IL1RAPL1: variants seen among roughly 807,000 people sequenced by gnomAD.
IL1RAPL1 encodes interleukin 1 receptor accessory protein like 1, also known as interleukin-1 receptor accessory protein-like 1.
Under a neutral mutation model 48.4 loss-of-function variants are expected in IL1RAPL1, and 3 were observed. The ratio of observed to expected loss-of-function variants is 0.06; its 90% CI spans 0.03 to 0.16. IL1RAPL1 has a LOEUF of 0.16. Among genes scored for constraint, IL1RAPL1 ranks in the 10% least tolerant of loss-of-function variants. The pLI is 1.00. For synonymous variants in IL1RAPL1, 185 were observed against 187.7 expected (o/e 0.99, Z 0.12); for missense variants, 349 against 530.6 (o/e 0.66, Z 3.36).
At chrX:28,773,258 G>T (rs1024606042) in intron 1 of IL1RAPL1, among the ~76,000 whole-genome samples, 1 of 110,582 alleles carries the variant, frequency 9.0e-6, no homozygotes, top group African/African-American at 3.3e-5. Flanking sequence ...TTTGTTTTTT[G>T]AAGAGGCAGG....
intron 5 of IL1RAPL1, among the ~76,000 whole-genome samples, chrX:29,424,254 C>T (rs1934323719): frequency 9.2e-6 from 1 of 108,538 alleles, no homozygotes; most frequent in African/African-American, 3.4e-5. Context: ...ATAAGATCTA[C>T]AAGCCTTTCA....
At chrX:29,462,704 C>T (rs1324493438) in intron 5 of IL1RAPL1, among the ~76,000 whole-genome samples, 1 of 111,351 alleles carries the variant, frequency 9.0e-6, no homozygotes, top group Non-Finnish European at 1.9e-5. Flanking sequence ...CCTTCTTTCA[C>T]CTCATAGTCA....
chrX:28,860,177 C>T (rs1265893926), intron 2 of IL1RAPL1, among the ~76,000 whole-genome samples: 1 of 111,375 alleles, frequency 9.0e-6, no homozygotes, highest in Non-Finnish European at 1.9e-5. Context: ...AAAAATAATT[C>T]AAACTATTAA....
At chrX:29,895,827 C>A (rs1362223907) in intron 6 of IL1RAPL1, among the ~76,000 whole-genome samples, 1 of 111,455 alleles carries the variant, frequency 9.0e-6, no homozygotes, top group Non-Finnish European at 1.9e-5. Context: ...GGGCAGAGGT[C>A]CAAGCCAAAG....
At chrX:29,236,030 C>T (rs1931285130) in intron 2 of IL1RAPL1, among the ~76,000 whole-genome samples, 2 of 112,234 alleles carry the variant, frequency 1.8e-5, no homozygotes, top group South Asian at 3.7e-4. Context: ...CAAACAAGCA[C>T]ACACATCAAT....
At chrX:29,686,663 G>T (rs6630933) in intron 6 of IL1RAPL1, among the ~76,000 whole-genome samples, 2 of 107,463 alleles carry the variant, frequency 1.9e-5, no homozygotes, top group African/African-American at 3.4e-5. Flanking sequence ...GTTCACGCCA[G>T]TCTCCTGCCT....
intron 6 of IL1RAPL1, among the ~76,000 whole-genome samples, chrX:29,802,867 A>ATATATG (rs1482761535): frequency 1.2e-4 from 11 of 89,861 alleles, no homozygotes; most frequent in African/African-American, 4.4e-4. Context: ...ACGTGTACAT[A>ATATATG]TGTATACATA....
intron 5 of IL1RAPL1, among the ~76,000 whole-genome samples, chrX:29,653,718 A>G (rs1925585880): frequency 9.0e-6 from 1 of 110,534 alleles, no homozygotes; most frequent in Admixed American, 9.7e-5. Flanking sequence ...AGCTACTTGA[A>G]ATCTTCTCTG....
At chrX:29,240,195 C>CATATATATATAT (rs1224933369) in intron 2 of IL1RAPL1, among the ~76,000 whole-genome samples, 4 of 27,224 alleles carry the variant, frequency 1.5e-4, no homozygotes, top group African/African-American at 8.3e-4. Context: ...CACACACACA[C>CATATATATATAT]ATATATATAT....
At chrX:29,803,892 C>T in intron 6 of IL1RAPL1, among the ~76,000 whole-genome samples, 1 of 110,447 alleles carries the variant, frequency 9.1e-6, no homozygotes, top group Middle Eastern at 4.6e-3. Flanking sequence ...GAACATGATA[C>T]TTTGAACAAT....
chrX:29,047,724 C>CA (rs1423755827), intron 2 of IL1RAPL1, among the ~76,000 whole-genome samples: 1 of 71,601 alleles, frequency 1.4e-5, no homozygotes, highest in Non-Finnish European at 2.4e-5. Context: ...AATATAAATT[C>CA]AACCTTTTTT....
intron 5 of IL1RAPL1, among the ~76,000 whole-genome samples, chrX:29,482,246 A>C (rs1464228421): frequency 8.9e-6 from 1 of 111,739 alleles, no homozygotes; most frequent in East Asian, 2.8e-4. Context: ...GAGGCAGCAT[A>C]ACATATTAAT....
intron 6 of IL1RAPL1, among the ~76,000 whole-genome samples, chrX:29,676,271 T>C (rs1293599973): frequency 8.9e-6 from 1 of 112,239 alleles, no homozygotes; most frequent in Admixed American, 9.5e-5. Flanking sequence ...CAATACATGT[T>C]TGCTGTTAGT....
intron 2 of IL1RAPL1, among the ~76,000 whole-genome samples, chrX:29,114,845 G>A (rs1461290705): frequency 9.0e-6 from 1 of 110,531 alleles, no homozygotes; most frequent in Non-Finnish European, 1.9e-5. Flanking sequence ...GGTCAGGCTG[G>A]TCTCAAACTC....
At chrX:28,604,837 A>G (rs1021727618) in intron 1 of IL1RAPL1, among the ~76,000 whole-genome samples, 1 of 111,172 alleles carries the variant, frequency 9.0e-6, no homozygotes, top group Non-Finnish European at 1.9e-5. Context: ...ATATTAAAAT[A>G]TAACAGGAAT....
intron 5 of IL1RAPL1, among the ~76,000 whole-genome samples, chrX:29,606,580 C>A (rs1923898579): frequency 8.9e-6 from 1 of 111,992 alleles, no homozygotes; most frequent in Non-Finnish European, 1.9e-5. Flanking sequence ...TATTGGTCAT[C>A]CATGAATAAA....
At chrX:28,740,815 G>T (rs1443691016) in intron 1 of IL1RAPL1, among the ~76,000 whole-genome samples, 1 of 111,764 alleles carries the variant, frequency 8.9e-6, no homozygotes, top group East Asian at 2.8e-4. Flanking sequence ...GTTGCTACAA[G>T]GATTTGATTT....
chrX:29,173,947 T>A (rs1929957403), intron 2 of IL1RAPL1, among the ~76,000 whole-genome samples: 1 of 106,852 alleles, frequency 9.4e-6, no homozygotes, highest in African/African-American at 3.4e-5. Context: ...TGAGACGGAG[T>A]TTCACTCTTG....
At chrX:29,228,960 G>A (rs1319414246) in intron 2 of IL1RAPL1, among the ~76,000 whole-genome samples, 1 of 111,497 alleles carries the variant, frequency 9.0e-6, no homozygotes, top group Non-Finnish European at 1.9e-5. Context: ...GGCCAGTAGA[G>A]GTGGGCTGCA....
Sources: gnomAD v4.1 joint callset for allele counts (sites outside exome capture counted in the v4.1 genomes callset) on GRCh38, gnomAD v4.1.1 for gene constraint, MANE v1.5 for transcripts, NCBI Gene and HGNC (gene_info 2026-07-23, HGNC 2026-07-21) for gene names.